The following GNB1 variants were observed in gnomAD, a reference collection of about 807,000 sequenced individuals.
GNB1 encodes G protein subunit beta 1, also known as guanine nucleotide-binding protein G(I)/G(S)/G(T) subunit beta-1.
A neutral mutation model predicts 42.9 loss-of-function variants in GNB1; 2 were observed. That is an observed-to-expected ratio of 0.05 (90% CI 0.02 to 0.15). The LOEUF (loss-of-function observed/expected upper bound fraction) is 0.15. Ranked by LOEUF, GNB1 falls within the 10% of genes least tolerant of loss-of-function variation. The probability of loss-of-function intolerance (pLI) is 1.00; values close to 1 mark genes in which losing one functional copy is unlikely to be tolerated. For synonymous variants in GNB1, 183 were observed against 174.7 expected (o/e 1.05, Z -0.38); for missense variants, 193 against 462.2 (o/e 0.42, Z 5.34).
chr1:1,839,113 AT>A (rs1461507920), intron 2 of GNB1, 76 bp downstream of exon 2: 1 of 152,144 alleles, frequency 6.6e-6, no homozygotes, highest in Non-Finnish European at 1.5e-5. Flanking sequence ...CCCACCAGCT[AT>A]TTATAAAAAC....
chr1:1,869,373 T>C (rs1649125645), intron 1 of GNB1, among the ~76,000 whole-genome samples: 2 of 152,246 alleles, frequency 1.3e-5, no homozygotes, highest in South Asian at 2.1e-4. Flanking sequence ...GGTGACAGTC[T>C]TGTTTCAGCT....
At chr1:1,867,157 C>T (rs911314920) in intron 1 of GNB1, among the ~76,000 whole-genome samples, 1 of 152,100 alleles carries the variant, frequency 6.6e-6, no homozygotes, top group African/African-American at 2.4e-5. Flanking sequence ...ATCCCAGCTA[C>T]TCGGGAGGCT....
chr1:1,856,168 T>G (rs1015613676), intron 1 of GNB1, among the ~76,000 whole-genome samples: 3 of 152,198 alleles, frequency 2.0e-5, no homozygotes, highest in Non-Finnish European at 4.4e-5. Flanking sequence ...ACTAAAGGCA[T>G]GTGCCATCAC....
At chr1:1,850,771 A>G (rs1034416128) in intron 1 of GNB1, among the ~76,000 whole-genome samples, 1 of 152,160 alleles carries the variant, frequency 6.6e-6, no homozygotes, top group Non-Finnish European at 1.5e-5. Context: ...CTTAACAAGA[A>G]ATCGCTTTTT....
At chr1:1,851,147 T>C (rs1647958588) in intron 1 of GNB1, among the ~76,000 whole-genome samples, 5 of 152,122 alleles carry the variant, frequency 3.3e-5, no homozygotes, top group Admixed American at 3.3e-4. Context: ...CGGAGGCTCA[T>C]GCCTGCAATT....
In GNB1 at chr1:1,875,267, C is replaced by A. The variant is rs141122345; in HGVS notation, c.-96+15553G>T. ...AGTGTAGTGGTGTGATCTCAGCTCACTGCAACCTCAACCTCTCCAGTTCAA... is the reference window on the plus strand; with the variant it reads ...AGTGTAGTGGTGTGATCTCAGCTCAATGCAACCTCAACCTCTCCAGTTCAA... On this transcript the variant is annotated intron_variant, in intron 1 of 11. Coordinates refer to ENST00000378609, the MANE Select transcript of GNB1 (RefSeq NM_002074.5). Among the ~76,000 whole-genome samples, 1,464 of 152,030 alleles carry A rather than the reference C, an allele frequency of 9.6e-3. 19 individuals are homozygous for A. The highest frequency in any genetic ancestry group is 0.033 in the African/African-American group (1,381 of 41,434).
chr1:1,819,639 GGTGAC>G (rs1646904742), intron 3 of GNB1, among the ~76,000 whole-genome samples: 1 of 151,912 alleles, frequency 6.6e-6, no homozygotes, highest in Non-Finnish European at 1.5e-5. Flanking sequence ...CCTGGGCTCA[GGTGAC>G]CCTCCCACGT....
intron 7 of GNB1, chr1:1,793,513 G>A: frequency 2.2e-6 from 1 of 448,240 alleles, no homozygotes; most frequent in East Asian, 3.4e-5. Context: ...TGGCCAGGCA[G>A]GACAGCACGT....
chr1:1,827,243 G>A (rs1275610809), intron 2 of GNB1, among the ~76,000 whole-genome samples: 1 of 152,170 alleles, frequency 6.6e-6, no homozygotes, highest in Non-Finnish European at 1.5e-5. Flanking sequence ...GATACTTGAT[G>A]TCTACGGTCC....
intron 1 of GNB1, among the ~76,000 whole-genome samples, chr1:1,862,894 G>C (rs996799727): frequency 6.6e-6 from 1 of 152,174 alleles, no homozygotes; most frequent in African/African-American, 2.4e-5. Context: ...GAGGAGGCAA[G>C]GTGGCTGAAT....
chr1:1,881,636 G>A (rs1449857338), intron 1 of GNB1, among the ~76,000 whole-genome samples: 2 of 152,180 alleles, frequency 1.3e-5, no homozygotes, highest in African/African-American at 2.4e-5. Context: ...CTGACCTCAA[G>A]TGATCCGCCC....
At chr1:1,804,306 A>T (rs775241826) in intron 7 of GNB1, 113 bp downstream of exon 7, 34 of 757,876 alleles carry the variant, frequency 4.5e-5, no homozygotes, top group Non-Finnish European at 6.5e-5. Context: ...CTCAAAAAAA[A>T]TAATTAATTA....
At chr1:1,822,964 C>T (rs978760606) in intron 3 of GNB1, among the ~76,000 whole-genome samples, 5 of 152,064 alleles carry the variant, frequency 3.3e-5, no homozygotes, top group East Asian at 1.9e-4. Context: ...ATTTCTAGGC[C>T]GGGCGTGGTG....
intron 1 of GNB1, among the ~76,000 whole-genome samples, chr1:1,869,045 G>T (rs1649102474): frequency 6.6e-6 from 1 of 151,108 alleles, no homozygotes; most frequent in South Asian, 2.1e-4. Context: ...AAATTAGCCG[G>T]TGTGGTGGCG....
chr1:1,820,566 TG>T (rs1402076669), intron 3 of GNB1, among the ~76,000 whole-genome samples: 2 of 152,142 alleles, frequency 1.3e-5, no homozygotes, highest in African/African-American at 4.8e-5. Flanking sequence ...GAAGTCTTTT[TG>T]TCAATGAATT....
At chr1:1,793,672 G>A (rs1313181089) in intron 7 of GNB1, 1 of 169,908 alleles carries the variant, frequency 5.9e-6, no homozygotes, top group African/African-American at 2.4e-5. Context: ...TGACTCCAGT[G>A]CCCAGGAAGC....
intron 1 of GNB1, among the ~76,000 whole-genome samples, chr1:1,876,513 G>GAGAGAGAGCA (rs991352497): frequency 6.7e-6 from 1 of 150,276 alleles, no homozygotes; most frequent in Non-Finnish European, 1.5e-5. Context: ...GAGAGAGAGA[G>GAGAGAGAGCA]AGCGAGCGTG....
intron 1 of GNB1, among the ~76,000 whole-genome samples, chr1:1,842,344 G>C (rs975936868): frequency 3.3e-5 from 5 of 151,772 alleles, no homozygotes. Context: ...GCAGGAGAAT[G>C]CCATGAACCC....
chr1:1,791,895 T>C (rs928233064), intron 8 of GNB1, among the ~76,000 whole-genome samples: 1 of 152,208 alleles, frequency 6.6e-6, no homozygotes, highest in Non-Finnish European at 1.5e-5. Context: ...AAATCTTTTG[T>C]AAATCTATGA....
Sources: allele counts gnomAD v4.1 joint callset (sites outside exome capture counted in the v4.1 genomes callset), GRCh38; gene constraint gnomAD v4.1.1; transcripts MANE v1.5; gene names NCBI Gene and HGNC (gene_info 2026-07-23, HGNC 2026-07-21).